Variants in SEMA5A observed in about 807,000 individuals in gnomAD.
The protein encoded by SEMA5A is semaphorin-5A.
SEMA5A carries 55 observed loss-of-function variants against 135.5 expected under a neutral mutation model. That is an observed-to-expected ratio of 0.41 (90% CI 0.33 to 0.51). SEMA5A has a LOEUF of 0.51. Ranked by LOEUF, SEMA5A falls within the 20% of genes least tolerant of loss-of-function variation. The pLI, the probability that SEMA5A is intolerant of heterozygous loss-of-function variation, is 0.37. For missense variants in SEMA5A, 1,290 were observed against 1,419.9 expected (o/e 0.91, Z 1.47); for synonymous variants, 580 against 546.5 (o/e 1.06, Z -0.85).
chr5:9,465,790 T>C (rs1007668413), intron 1 of SEMA5A, among the ~76,000 whole-genome samples: 1 of 152,236 alleles, frequency 6.6e-6, no homozygotes, highest in Non-Finnish European at 1.5e-5. Flanking sequence ...TCCACTGGGC[T>C]GACTGCCATG....
At chr5:9,436,843 A>G (rs1415196229) in intron 2 of SEMA5A, among the ~76,000 whole-genome samples, 6 of 152,046 alleles carry the variant, frequency 3.9e-5, no homozygotes, top group Non-Finnish European at 7.4e-5. Flanking sequence ...GAAGGTAGCA[A>G]CACCTAGGTC....
intron 4 of SEMA5A, among the ~76,000 whole-genome samples, chr5:9,332,861 G>T (rs1326793615): frequency 6.6e-6 from 1 of 152,186 alleles, no homozygotes; most frequent in Non-Finnish European, 1.5e-5. Flanking sequence ...TATGAATTAT[G>T]ATCATTACCT....
intron 8 of SEMA5A, among the ~76,000 whole-genome samples, chr5:9,218,119 T>G (rs1348167459): frequency 2.6e-5 from 4 of 152,034 alleles, no homozygotes; most frequent in Admixed American, 2.6e-4. Context: ...TCCTGGGTAA[T>G]AAAATAATCT....
intron 1 of SEMA5A, among the ~76,000 whole-genome samples, chr5:9,524,304 A>G (rs1737003754): frequency 6.6e-6 from 1 of 152,182 alleles, no homozygotes; most frequent in Non-Finnish European, 1.5e-5. Flanking sequence ...GCAGTTATTT[A>G]AAGCAATGTG....
chr5:9,387,223 A>T (rs1755933956), intron 2 of SEMA5A, among the ~76,000 whole-genome samples: 1 of 152,222 alleles, frequency 6.6e-6, no homozygotes, highest in East Asian at 1.9e-4. Flanking sequence ...CCAGGAGCAT[A>T]GCCTTGTCTC....
intron 10 of SEMA5A, among the ~76,000 whole-genome samples, chr5:9,194,981 C>G (rs529821873): frequency 6.6e-6 from 1 of 152,180 alleles, no homozygotes; most frequent in Admixed American, 6.5e-5. Flanking sequence ...ACGCTGTTCA[C>G]AGTAAGGCCT....
intron 5 of SEMA5A, among the ~76,000 whole-genome samples, chr5:9,282,291 A>G (rs949667930): frequency 6.6e-6 from 1 of 152,192 alleles, no homozygotes; most frequent in Non-Finnish European, 1.5e-5. Context: ...AAAATTTAAA[A>G]CAAATGAAGC....
At chr5:9,516,033 C>T (rs995867554) in intron 1 of SEMA5A, among the ~76,000 whole-genome samples, 5 of 152,228 alleles carry the variant, frequency 3.3e-5, no homozygotes, top group Middle Eastern at 3.4e-3. Context: ...TTTTATTGAA[C>T]GAAACATAGC....
intron 1 of SEMA5A, among the ~76,000 whole-genome samples, chr5:9,483,994 G>T (rs910583021): frequency 1.3e-5 from 2 of 152,152 alleles, no homozygotes; most frequent in Non-Finnish European, 2.9e-5. Flanking sequence ...GACAGGCGCT[G>T]GGAGCTCATT....
intron 1 of SEMA5A, among the ~76,000 whole-genome samples, chr5:9,538,026 G>A (rs1332000245): frequency 6.6e-6 from 1 of 152,158 alleles, no homozygotes; most frequent in Non-Finnish European, 1.5e-5. Context: ...AGCTGAGGAA[G>A]CCTGTGGCAG....
chr5:9,307,187 GA>G (rs1751910957), intron 5 of SEMA5A, among the ~76,000 whole-genome samples: 1 of 152,170 alleles, frequency 6.6e-6, no homozygotes, highest in South Asian at 2.1e-4. Flanking sequence ...AGTATCACTT[GA>G]AAAAGTGGCA....
chr5:9,507,184 A>G (rs983157590), intron 1 of SEMA5A, among the ~76,000 whole-genome samples: 3 of 152,220 alleles, frequency 2.0e-5, no homozygotes, highest in Admixed American at 6.5e-5. Flanking sequence ...TCGACATGGA[A>G]GGCGTGATTG....
chr5:9,143,816 T>TTGTGGGCTTCCTCCC (rs1742189158), intron 12 of SEMA5A, among the ~76,000 whole-genome samples: 1 of 152,154 alleles, frequency 6.6e-6, no homozygotes, highest in African/African-American at 2.4e-5. Flanking sequence ...CTTGACCTCC[T>TTGTGGGCTTCCTCCC]TGTGGGCTTC....
chr5:9,346,684 G>A (rs1561170126), intron 3 of SEMA5A, among the ~76,000 whole-genome samples: 2 of 152,188 alleles, frequency 1.3e-5, no homozygotes, highest in Admixed American at 1.3e-4. Flanking sequence ...ACCCCTGCTA[G>A]TGCCAAAGTG....
At chr5:9,062,674 C>T (rs1231775001) in intron 18 of SEMA5A, among the ~76,000 whole-genome samples, 1 of 152,122 alleles carries the variant, frequency 6.6e-6, no homozygotes, top group South Asian at 2.1e-4. Context: ...CTATATTGCC[C>T]AGCCTTGAGT....
chr5:9,046,377 C>T (rs1736254313), intron 21 of SEMA5A, among the ~76,000 whole-genome samples: 2 of 152,334 alleles, frequency 1.3e-5, no homozygotes, highest in East Asian at 1.9e-4. Flanking sequence ...ATCGTAACCA[C>T]CCCAGTCTGT....
intron 2 of SEMA5A, among the ~76,000 whole-genome samples, chr5:9,404,311 T>C (rs1394832634): frequency 6.6e-6 from 1 of 152,126 alleles, no homozygotes; most frequent in Admixed American, 6.6e-5. Context: ...CTGTCATATT[T>C]CCCAGAACCA....
chr5:9,089,869 A>G (rs1738935992), intron 16 of SEMA5A, among the ~76,000 whole-genome samples: 1 of 152,214 alleles, frequency 6.6e-6, no homozygotes, highest in Admixed American at 6.5e-5. Flanking sequence ...TAAACTTATC[A>G]AATGTTTATT....
intron 11 of SEMA5A, among the ~76,000 whole-genome samples, chr5:9,182,122 A>T (rs1228453192): frequency 6.6e-6 from 1 of 150,548 alleles, no homozygotes; most frequent in African/African-American, 2.5e-5. Context: ...TTTAACATTT[A>T]ATGCAACTGC....
Sources: allele counts gnomAD v4.1 joint callset (sites outside exome capture counted in the v4.1 genomes callset), GRCh38; gene constraint gnomAD v4.1.1; transcripts MANE v1.5; gene names NCBI Gene and HGNC (gene_info 2026-07-23, HGNC 2026-07-21).